The following TTC28 variants were observed in gnomAD, a reference collection of about 807,000 sequenced individuals.
TTC28 encodes the protein tetratricopeptide repeat protein 28.
Under a neutral mutation model 198.0 loss-of-function variants are expected in TTC28, and 61 were observed. The observed-to-expected ratio is 0.31, with a 90% CI of 0.25 to 0.38. The LOEUF is 0.38. Among genes scored for constraint, TTC28 ranks in the 10% least tolerant of loss-of-function variants. The pLI is 1.00. For synonymous variants in TTC28, 1,171 were observed against 1,297.8 expected (o/e 0.90, Z 2.10); for missense variants, 2,678 against 3,164.0 (o/e 0.85, Z 3.69).
At chr22:28,164,311 C>T (rs1015013910) in intron 5 of TTC28, among the ~76,000 whole-genome samples, 10 of 152,184 alleles carry the variant, frequency 6.6e-5, no homozygotes, top group Non-Finnish European at 1.0e-4. Context: ...TCTCCCAGCA[C>T]GCAACCTGAG....
chr22:28,061,761 A>C (rs1377358461), intron 12 of TTC28, among the ~76,000 whole-genome samples: 1 of 152,180 alleles, frequency 6.6e-6, no homozygotes, highest in Non-Finnish European at 1.5e-5. Context: ...GAAGAAAGTC[A>C]TTGGTAGCTT....
chr22:28,047,523 C>A (rs987732308), intron 12 of TTC28, among the ~76,000 whole-genome samples: 1 of 152,168 alleles, frequency 6.6e-6, no homozygotes, highest in Non-Finnish European at 1.5e-5. Context: ...TCCAGCAAGC[C>A]GCAGGGCCCC....
chr22:28,004,939 G>C (rs1010684718), intron 14 of TTC28, among the ~76,000 whole-genome samples: 4 of 152,214 alleles, frequency 2.6e-5, no homozygotes, highest in Non-Finnish European at 5.9e-5. Flanking sequence ...CTCAGAAAGG[G>C]TGTCTGCTGG....
chr22:28,517,250 A>G (rs2048807743), intron 2 of TTC28, among the ~76,000 whole-genome samples: 1 of 152,230 alleles, frequency 6.6e-6, no homozygotes, highest in Non-Finnish European at 1.5e-5. Context: ...GATGGTTTCC[A>G]GCTTCATCCA....
intron 5 of TTC28, among the ~76,000 whole-genome samples, chr22:28,255,179 G>A (rs1203634975): frequency 1.3e-5 from 2 of 151,906 alleles, no homozygotes; most frequent in African/African-American, 2.4e-5. Context: ...TTTAAAAAAA[G>A]CAAAAGACCA....
At chr22:28,475,237 C>T (rs1171293103) in intron 2 of TTC28, among the ~76,000 whole-genome samples, 1 of 151,354 alleles carries the variant, frequency 6.6e-6, no homozygotes, top group Non-Finnish European at 1.5e-5. Context: ...CTGTTTATTC[C>T]AGTTCAGGGC....
chr22:28,101,170 C>T lies in TTC28; in HGVS notation c.3417+1G>A. On this transcript the variant is annotated splice_donor_variant, in intron 9 of 22. Transcript: ENST00000397906. LOFTEE classifies it high-confidence loss of function. Reference sequence around the variant, plus strand: ...CCACTTCAGTCAGGGGTTCTGCTTACCTGGTGTTGGGCCTCCTCCAAGTTT... The same window carrying T: ...CCACTTCAGTCAGGGGTTCTGCTTATCTGGTGTTGGGCCTCCTCCAAGTTT... The T allele has an allele frequency of 6.5e-7, 1 of 1,548,728 alleles. No individual in the cohort carries two copies. The highest frequency in any genetic ancestry group is 8.7e-7 in the Non-Finnish European group (1 of 1,145,506).
chr22:28,290,661 C>G (rs1569242259), intron 5 of TTC28, among the ~76,000 whole-genome samples: 1 of 152,126 alleles, frequency 6.6e-6, no homozygotes, highest in African/African-American at 2.4e-5. Flanking sequence ...CCTATAATCC[C>G]AGCACTTTGG....
intron 2 of TTC28, among the ~76,000 whole-genome samples, chr22:28,457,387 C>T (rs552636454): frequency 3.9e-5 from 6 of 152,266 alleles, no homozygotes; most frequent in Non-Finnish European, 8.8e-5. Context: ...TAATCCTCAA[C>T]GATTTTAGCA....
At chr22:28,030,132 T>C in intron 13 of TTC28, 94 bp downstream of exon 13, 2 of 1,484,450 alleles carry the variant, frequency 1.3e-6, no homozygotes, top group East Asian at 2.5e-5. Flanking sequence ...GCCAGAAGCC[T>C]AACCAGCTGG....
At chr22:28,032,915 A>G (rs1305257373) in intron 12 of TTC28, among the ~76,000 whole-genome samples, 2 of 152,214 alleles carry the variant, frequency 1.3e-5, no homozygotes, top group African/African-American at 4.8e-5. Context: ...TCACTGCCTC[A>G]TGGATGTCAG....
intron 5 of TTC28, among the ~76,000 whole-genome samples, chr22:28,294,975 A>G (rs1230904459): frequency 6.6e-5 from 10 of 152,214 alleles, no homozygotes; most frequent in African/African-American, 1.2e-4. Flanking sequence ...TGCCATTAGT[A>G]TATCTGTCTC....
At chr22:28,481,135 T>C (rs1456556673) in intron 2 of TTC28, among the ~76,000 whole-genome samples, 1 of 152,182 alleles carries the variant, frequency 6.6e-6, no homozygotes, top group African/African-American at 2.4e-5. Context: ...CAACTCAACA[T>C]AAAATCAAGC....
intron 2 of TTC28, among the ~76,000 whole-genome samples, chr22:28,425,709 G>T (rs557697001): frequency 6.6e-6 from 1 of 152,306 alleles, no homozygotes; most frequent in Non-Finnish European, 1.5e-5. Context: ...ATCTAGGAGA[G>T]CCTCACCGTG....
At chr22:28,142,147 A>G (rs1943352033) in intron 6 of TTC28, among the ~76,000 whole-genome samples, 1 of 152,260 alleles carries the variant, frequency 6.6e-6, no homozygotes, top group Non-Finnish European at 1.5e-5. Context: ...CTTTTTTAAA[A>G]AGTAATGCCT....
At chr22:28,033,005 C>T (rs1569095692) in intron 12 of TTC28, among the ~76,000 whole-genome samples, 1 of 152,170 alleles carries the variant, frequency 6.6e-6, no homozygotes, top group Admixed American at 6.5e-5. Flanking sequence ...GTAAATATTA[C>T]TCAACAAGCT....
At chr22:28,434,027 A>T (rs1156456300) in intron 2 of TTC28, among the ~76,000 whole-genome samples, 1 of 152,246 alleles carries the variant, frequency 6.6e-6, no homozygotes, top group Non-Finnish European at 1.5e-5. Context: ...AAAACCAGAA[A>T]GTATAAAGGG....
At chr22:28,534,938 G>A (rs1466768797) in intron 2 of TTC28, among the ~76,000 whole-genome samples, 32 of 152,086 alleles carry the variant, frequency 2.1e-4, no homozygotes, top group Admixed American at 2.1e-3. Context: ...GGCAGGGGTA[G>A]TATGAGGAGA....
intron 2 of TTC28, among the ~76,000 whole-genome samples, chr22:28,315,608 A>G (rs1196192643): frequency 6.6e-6 from 1 of 152,180 alleles, no homozygotes; most frequent in Non-Finnish European, 1.5e-5. Context: ...TGAATGTCCA[A>G]TTGTTCCAAT....
Sources: allele counts gnomAD v4.1 joint callset (sites outside exome capture counted in the v4.1 genomes callset), GRCh38; gene constraint gnomAD v4.1.1; transcripts MANE v1.5; gene names NCBI Gene and HGNC (gene_info 2026-07-23, HGNC 2026-07-21).